Variants in WWOX observed in about 807,000 individuals in gnomAD.
The protein encoded by WWOX is WW domain containing oxidoreductase.
Under a neutral mutation model 46.2 loss-of-function variants are expected in WWOX, and 69 were observed. The ratio of observed to expected loss-of-function variants is 1.49; its 90% CI spans 1.23 to 1.82. The LOEUF is 1.82. Among genes scored for constraint, WWOX ranks in the 40% most tolerant of loss-of-function variants. The pLI is 0.00. For missense variants in WWOX, 919 were observed against 542.6 expected (o/e 1.69, Z -6.89); for synonymous variants, 359 against 202.6 (o/e 1.77, Z -6.56).
At chr16:78,159,953 T>G (rs190017467) in intron 4 of WWOX, among the ~76,000 whole-genome samples, 1 of 151,956 alleles carries the variant, frequency 6.6e-6, no homozygotes, top group East Asian at 1.9e-4. Flanking sequence ...TCTGTCTCTG[T>G]CTCTCTCTCT....
Position 78,109,807 on chromosome 16 carries a change from G to C in WWOX, c.202G>C (p.Asp68His). Residue 68 changes from aspartate (D) to histidine (H), a missense_variant, in exon 3 of 9, where the codon GAT (aspartate) becomes CAT (histidine). Transcript: ENST00000566780. The stretch of plus-strand genomic sequence containing the variant: ...GCCATACGGATGGGAACAAGAAACT[G>C]ATGAGAACGGACAAGTGTTTTTTGT... Reference protein sequence around the residue: ...DLPYGWEQETDENGQVFFVDH... With the variant: ...DLPYGWEQETHENGQVFFVDH... The C allele has an allele frequency of 6.2e-7, 1 of 1,614,196 alleles. No homozygotes were observed. Among genetic ancestry groups the C allele is most frequent in the Non-Finnish European group, 8.5e-7 (1 of 1,180,042 alleles).
intron 5 of WWOX, among the ~76,000 whole-genome samples, chr16:78,255,861 C>T (rs182126283): frequency 3.0e-3 from 463 of 152,214 alleles, no homozygotes; most frequent in Non-Finnish European, 5.2e-3. Flanking sequence ...GAGTAAATCA[C>T]GACCAGGCAC....
intron 8 of WWOX, among the ~76,000 whole-genome samples, chr16:79,022,323 G>C (rs1048084558): frequency 7.2e-6 from 1 of 138,156 alleles, no homozygotes; most frequent in Non-Finnish European, 1.5e-5. Context: ...GGGGGCAAGA[G>C]GACTCTCCAG....
chr16:78,821,757 G>C (rs1197081979), intron 8 of WWOX, among the ~76,000 whole-genome samples: 2 of 152,206 alleles, frequency 1.3e-5, no homozygotes, highest in Admixed American at 1.3e-4. Flanking sequence ...GAGTCTTTGA[G>C]AAAATGCAAA....
At chr16:78,425,993 G>A (rs1000688698) in intron 7 of WWOX, among the ~76,000 whole-genome samples, 2 of 152,136 alleles carry the variant, frequency 1.3e-5, no homozygotes, top group African/African-American at 2.4e-5. Context: ...GACCAGCCAA[G>A]GGTTAGCTTG....
intron 5 of WWOX, among the ~76,000 whole-genome samples, chr16:78,298,986 G>T (rs1597455284): frequency 6.6e-6 from 1 of 151,898 alleles, no homozygotes; most frequent in African/African-American, 2.4e-5. Flanking sequence ...TTCCTCTTTC[G>T]AAGAAAGTTT....
Position 79,167,072 on chromosome 16 carries a change from C to T in WWOX, c.1057-44536C>T, listed in dbSNP as rs191365099. Among the ~76,000 whole-genome samples, 276 of 152,200 alleles carry T rather than the reference C, an allele frequency of 1.8e-3. 2 individuals are homozygous for T. The highest frequency in any genetic ancestry group is 6.8e-3 in the Middle Eastern group (2 of 294). On this transcript the variant is annotated intron_variant, in intron 8 of 8. Coordinates refer to ENST00000566780, the MANE Select transcript of WWOX (RefSeq NM_016373.4). Reference sequence around the variant, plus strand: ...TCTCATGCGTCAGCCTCCTGAGTAGCTGTGATTACAGGTGTGTGCTACCAC... The same window carrying T: ...TCTCATGCGTCAGCCTCCTGAGTAGTTGTGATTACAGGTGTGTGCTACCAC...
At chr16:79,142,340 G>T (rs1026063762) in intron 8 of WWOX, among the ~76,000 whole-genome samples, 1 of 152,146 alleles carries the variant, frequency 6.6e-6, no homozygotes, top group Non-Finnish European at 1.5e-5. Context: ...TTTTGTGCTG[G>T]AACTGGCTGC....
At chr16:78,670,406 C>A (rs961226687) in intron 8 of WWOX, among the ~76,000 whole-genome samples, 1 of 152,292 alleles carries the variant, frequency 6.6e-6, no homozygotes, top group Middle Eastern at 3.4e-3. Context: ...ATTGCAGTGC[C>A]ACATGCTGCA....
At chr16:78,150,998 C>G (rs1597272738) in intron 4 of WWOX, among the ~76,000 whole-genome samples, 1 of 152,014 alleles carries the variant, frequency 6.6e-6, no homozygotes, top group Admixed American at 6.5e-5. Context: ...CCACCTCAGC[C>G]TCTTGAGTAA....
At chr16:78,239,307 C>T (rs374071981) in intron 5 of WWOX, among the ~76,000 whole-genome samples, 8 of 152,276 alleles carry the variant, frequency 5.3e-5, no homozygotes, top group South Asian at 2.1e-4. Context: ...GGTGCTGTTC[C>T]CTTCCTCCTG....
chr16:78,640,384 C>T (rs1411532854), intron 8 of WWOX, among the ~76,000 whole-genome samples: 2 of 151,934 alleles, frequency 1.3e-5, no homozygotes, highest in East Asian at 1.9e-4. Context: ...GAGCTAGAAT[C>T]CTGGTGTTCA....
At chr16:79,013,297 C>T (rs551538623) in intron 8 of WWOX, among the ~76,000 whole-genome samples, 6 of 152,202 alleles carry the variant, frequency 3.9e-5, no homozygotes, top group Admixed American at 1.3e-4. Context: ...TGTCCTCATG[C>T]GCTCTGATCT....
At chr16:78,126,414 A>G (rs1657852611) in intron 4 of WWOX, among the ~76,000 whole-genome samples, 2 of 152,300 alleles carry the variant, frequency 1.3e-5, no homozygotes, top group South Asian at 4.1e-4. Flanking sequence ...AAAAAATATC[A>G]CTTAAATTTG....
At chr16:78,800,324 G>A (rs905854209) in intron 8 of WWOX, among the ~76,000 whole-genome samples, 1 of 151,876 alleles carries the variant, frequency 6.6e-6, no homozygotes, top group Non-Finnish European at 1.5e-5. Flanking sequence ...AATGTGTACC[G>A]TGTGCTTTTA....
intron 8 of WWOX, among the ~76,000 whole-genome samples, chr16:79,121,096 G>T (rs1421395317): frequency 6.6e-6 from 1 of 152,140 alleles, no homozygotes; most frequent in Non-Finnish European, 1.5e-5. Flanking sequence ...AAGGATACTT[G>T]TCTTTAAATG....
At chr16:78,306,419 T>C (rs558070269) in intron 5 of WWOX, among the ~76,000 whole-genome samples, 12 of 152,312 alleles carry the variant, frequency 7.9e-5, no homozygotes, top group African/African-American at 2.9e-4. Context: ...TTCAGAACCC[T>C]GCATCATGGT....
chr16:79,181,104 C>G (rs928320302), intron 8 of WWOX, among the ~76,000 whole-genome samples: 4 of 152,180 alleles, frequency 2.6e-5, no homozygotes, highest in African/African-American at 7.2e-5. Context: ...TACCTCTTCC[C>G]TTTGCTAAGT....
intron 8 of WWOX, among the ~76,000 whole-genome samples, chr16:78,705,283 G>T (rs890950339): frequency 6.6e-6 from 1 of 152,104 alleles, no homozygotes; most frequent in Non-Finnish European, 1.5e-5. Flanking sequence ...ATGTTGTCCT[G>T]CCCAGTACTT....
Sources: gnomAD v4.1 joint callset for allele counts (sites outside exome capture counted in the v4.1 genomes callset) on GRCh38, gnomAD v4.1.1 for gene constraint, MANE v1.5 for transcripts, NCBI Gene and HGNC (gene_info 2026-07-23, HGNC 2026-07-21) for gene names.